The following B4GALNT3 variants were observed in gnomAD, a reference collection of about 807,000 sequenced individuals.
B4GALNT3 encodes the protein beta-1,4-N-acetylgalactosaminyltransferase 3.
Under a neutral mutation model 120.2 loss-of-function variants are expected in B4GALNT3, and 86 were observed. The ratio of observed to expected loss-of-function variants is 0.72; its 90% CI spans 0.60 to 0.86. The LOEUF is 0.86. Ranked by LOEUF, B4GALNT3 falls within the 40% of genes least tolerant of loss-of-function variation. The pLI, the probability that B4GALNT3 is intolerant of heterozygous loss-of-function variation, is 0.00. For missense variants in B4GALNT3, 1,167 were observed against 1,298.9 expected (o/e 0.90, Z 1.56); for synonymous variants, 518 against 510.4 (o/e 1.01, Z -0.20).
intron 1 of B4GALNT3, among the ~76,000 whole-genome samples, chr12:516,984 A>C (rs1238201667): frequency 2.6e-5 from 4 of 152,146 alleles, no homozygotes; most frequent in Non-Finnish European, 5.9e-5. Context: ...AAGTAGTTTG[A>C]AGATTTTTGA....
chr12:506,932 G>A (rs147297452), intron 1 of B4GALNT3, among the ~76,000 whole-genome samples: 2,022 of 152,266 alleles, frequency 0.013, 39 homozygotes, highest in African/African-American at 0.04. Flanking sequence ...CACCGTGCCC[G>A]GCCAAGTGCA....
At chr12:543,236 G>A in intron 3 of B4GALNT3, 1 of 1,274,600 alleles carries the variant, frequency 7.8e-7, no homozygotes, top group Non-Finnish European at 1.0e-6. Flanking sequence ...GTGCTGGGCT[G>A]GGAATGGGAT....
chr12:558,429 G>C, intron 17 of B4GALNT3, 79 bp from the exon 18 acceptor site: 1 of 1,392,494 alleles, frequency 7.2e-7, no homozygotes, highest in Non-Finnish European at 1.0e-6. Context: ...GGAAGACTCC[G>C]AGGCTTCTCC....
intron 1 of B4GALNT3, among the ~76,000 whole-genome samples, chr12:490,789 G>T (rs943683426): frequency 6.6e-6 from 1 of 151,530 alleles, no homozygotes; most frequent in Non-Finnish European, 1.5e-5. Flanking sequence ...AGATGAAATG[G>T]ACCAATTCTT....
At position 535,182 on chromosome 12, in the gene B4GALNT3, A is replaced by G; in HGVS notation, c.186A>G (p.Arg62=). 2 of 1,612,988 alleles carry G rather than the reference A, an allele frequency of 1.2e-6. No homozygotes were observed. Among genetic ancestry groups the G allele is most frequent in the Middle Eastern group, 1.7e-4 (1 of 6,050 alleles). Reference sequence around the variant, plus strand: ...CTTCCACAGGGTACGGCAGCTGGAGAGAACTGGCCAAGGCTCTGGCCAGCA... The same window carrying G: ...CTTCCACAGGGTACGGCAGCTGGAGGGAACTGGCCAAGGCTCTGGCCAGCA... ...NPLNRRYGSW[R]ELAKALASRN... The change falls in exon 2 of 20, where the codon AGA becomes AGG. Residue 62 remains arginine (R), a synonymous_variant. Transcript: ENST00000266383.
At chr12:511,304 T>C (rs1946550103) in intron 1 of B4GALNT3, among the ~76,000 whole-genome samples, 2 of 122,894 alleles carry the variant, frequency 1.6e-5, no homozygotes, top group African/African-American at 3.4e-5. Flanking sequence ...CCTTCCACCT[T>C]CCACCTTCCG....
chr12:469,718 G>A (rs11063111), intron 1 of B4GALNT3, among the ~76,000 whole-genome samples: 55,490 of 152,006 alleles, frequency 0.37, 11,227 homozygotes, highest in Non-Finnish European at 0.47. Context: ...ACTGGGAAGC[G>A]ATAGCCTCTC....
chr12:470,285 G>T (rs12308019), intron 1 of B4GALNT3, among the ~76,000 whole-genome samples: 1 of 152,290 alleles, frequency 6.6e-6, no homozygotes, highest in East Asian at 1.9e-4. Context: ...CATGGTCTCC[G>T]TACAAGCAGT....
chr12:532,919 C>A (rs1012682864), intron 1 of B4GALNT3, among the ~76,000 whole-genome samples: 1 of 152,204 alleles, frequency 6.6e-6, no homozygotes, highest in East Asian at 1.9e-4. Flanking sequence ...AGCTGAAGAC[C>A]GTCTTCGAGA....
intron 1 of B4GALNT3, among the ~76,000 whole-genome samples, chr12:482,283 C>T (rs1287348212): frequency 1.3e-5 from 2 of 152,186 alleles, no homozygotes; most frequent in South Asian, 2.1e-4. Flanking sequence ...GCTCTGATAT[C>T]GTCCGTCAGT....
intron 1 of B4GALNT3, among the ~76,000 whole-genome samples, chr12:533,686 A>G (rs2120658281): frequency 6.6e-6 from 1 of 152,292 alleles, no homozygotes; most frequent in Non-Finnish European, 1.5e-5. Flanking sequence ...CCTATCTGTG[A>G]AATGGGGTCA....
chr12:526,621 G>A (rs1268820627), intron 1 of B4GALNT3, among the ~76,000 whole-genome samples: 1 of 152,198 alleles, frequency 6.6e-6, no homozygotes, highest in African/African-American at 2.4e-5. Context: ...GTTTGTCGCT[G>A]TAATTGTCAC....
chr12:516,071 G>C (rs374137171), intron 1 of B4GALNT3, among the ~76,000 whole-genome samples: 8 of 151,898 alleles, frequency 5.3e-5, no homozygotes, highest in South Asian at 2.1e-4. Context: ...GCATGAACCC[G>C]GGAGGCAGAG....
At chr12:484,799 T>TAA (rs71045065) in intron 1 of B4GALNT3, among the ~76,000 whole-genome samples, 2,459 of 144,082 alleles carry the variant, frequency 0.017, 54 homozygotes, top group African/African-American at 0.055. Context: ...GGAGAAAAAT[T>TAA]AAAAAAAAAA....
intron 1 of B4GALNT3, among the ~76,000 whole-genome samples, chr12:473,696 C>G (rs1006398290): frequency 3.3e-5 from 5 of 152,174 alleles, no homozygotes; most frequent in Non-Finnish European, 4.4e-5. Flanking sequence ...GGCAGACATT[C>G]ATTCAGCAGG....
At chr12:560,296 T>G (rs1947213881) in intron 19 of B4GALNT3, among the ~76,000 whole-genome samples, 1 of 152,106 alleles carries the variant, frequency 6.6e-6, no homozygotes, top group African/African-American at 2.4e-5. Flanking sequence ...ACACGCTCAC[T>G]TCTTCCCGAG....
rs1192097137 is a variant in B4GALNT3 at position 557,608 on chromosome 12, T to C, written c.2381T>C (p.Val794Ala). The change falls in exon 16 of 20, where the codon GTG becomes GCG. Residue 794 changes from valine (V) to alanine (A), a missense_variant and splice_region_variant. By Grantham distance (64) the Val-to-Ala change is moderately conservative. Around this residue, in one of 3 missense-constraint regions of B4GALNT3, gnomAD observed 983 missense variants for 1,102.5 expected, o/e 0.89. Coordinates refer to ENST00000266383, the MANE Select transcript of B4GALNT3 (RefSeq NM_173593.4). Reference sequence around the variant, plus strand: ...TCTCCTGCCTGACCCCCTGGGGTAGTGAAGAACCAGGCACGCTGGGTACAG... The same window carrying C: ...TCTCCTGCCTGACCCCCTGGGGTAGCGAAGAACCAGGCACGCTGGGTACAG... ...HRAVVHFVVPVKNQARWVQQF... is the reference protein window; with the variant it reads ...HRAVVHFVVPAKNQARWVQQF... 1 of 1,609,044 alleles carries C rather than the reference T, an allele frequency of 6.2e-7. No individual in the cohort carries two copies.
In B4GALNT3 at chr12:550,915, T is replaced by C; in HGVS notation, c.998-7T>C. The stretch of plus-strand genomic sequence containing the variant: ...CACCCTCACTCCTCCTCCTCCACTG[T>C]CCTCAGTGCCTCTGATCCCCAAGTC... On this transcript the variant is annotated splice_region_variant and splice_polypyrimidine_tract_variant and intron_variant, in intron 10 of 19. Transcript: ENST00000266383. The surrounding 1 kb of genome is among the most constrained non-coding windows in gnomAD (Gnocchi z 4.1). 6.2e-7 allele frequency: 1 copy of C among 1,602,824 alleles called. No individual in the cohort carries two copies. Among genetic ancestry groups the C allele is most frequent in the Non-Finnish European group, 8.5e-7 (1 of 1,169,758 alleles).
rs755069435 is a variant in B4GALNT3, at chr12:553,592, A to G, written c.1669A>G (p.Arg557Gly). The change falls in exon 14 of 20, where the codon AGG becomes GGG. Residue 557 changes from arginine to glycine, a missense_variant. Physicochemically the swap from Arg to Gly is moderately radical, Grantham distance 125. This residue lies in a region of B4GALNT3 where 983 missense variants were observed against 1,102.5 expected (regional missense o/e 0.89). Transcript: ENST00000266383. ...PRPRPAGDSP[R>G]KTQWLNQVES... ...GCCCAGGCCCGCTGGTGACAGCCCCAGGAAGACTCAGTGGCTGAACCAGGT... is the reference window on the plus strand; with the variant it reads ...GCCCAGGCCCGCTGGTGACAGCCCCGGGAAGACTCAGTGGCTGAACCAGGT... The G allele has an allele frequency of 3.1e-6, 5 of 1,613,992 alleles. No homozygotes were observed. In the Admixed American group the frequency reaches 8.3e-5, roughly 27 times the overall value.
Sources: allele counts gnomAD v4.1 joint callset (sites outside exome capture counted in the v4.1 genomes callset), GRCh38; gene constraint gnomAD v4.1.1; regional missense constraint gnomAD v4.1.1; non-coding constraint Gnocchi (gnomAD v3.1); transcripts MANE v1.5; gene names NCBI Gene and HGNC (gene_info 2026-07-23, HGNC 2026-07-21).